Variants in XYLT1 observed in about 807,000 individuals in gnomAD.
The protein encoded by XYLT1 is beta-D-xylosyltransferase 1.
A neutral mutation model predicts 91.3 loss-of-function variants in XYLT1; 36 were observed. The ratio of observed to expected loss-of-function variants is 0.39; its 90% confidence interval spans 0.30 to 0.52. The LOEUF (loss-of-function observed/expected upper bound fraction) is 0.52. Among genes scored for constraint, XYLT1 ranks in the 20% least tolerant of loss-of-function variants. The pLI is 0.68. For synonymous variants in XYLT1, 588 were observed against 532.0 expected, an observed-to-expected ratio of 1.11 and a Z score of -1.45; for missense variants, 1,242 against 1,284.5, an observed-to-expected ratio of 0.97 and a Z score of 0.51.
intron 1 of XYLT1, among the ~76,000 whole-genome samples, chr16:17,425,281 C>T (rs891569403): frequency 2.6e-5 from 4 of 152,224 alleles, no homozygotes; most frequent in Non-Finnish European, 5.9e-5. Flanking sequence ...TAACTCCCCA[C>T]TGACAACTGA....
intron 1 of XYLT1, among the ~76,000 whole-genome samples, chr16:17,428,022 ACT>A (rs2036340640): frequency 1.3e-5 from 2 of 151,896 alleles, no homozygotes; most frequent in Non-Finnish European, 2.9e-5. Flanking sequence ...ACAGCGTCTC[ACT>A]CTGTCGCCCA....
intron 3 of XYLT1, among the ~76,000 whole-genome samples, chr16:17,257,838 G>A (rs901825772): frequency 6.6e-6 from 1 of 152,222 alleles, no homozygotes; most frequent in African/African-American, 2.4e-5. Context: ...ACTGCACAGA[G>A]CCTGGTGCGG....
At chr16:17,213,743 C>T (rs1029019846) in intron 3 of XYLT1, among the ~76,000 whole-genome samples, 2 of 152,000 alleles carry the variant, frequency 1.3e-5, no homozygotes, top group Non-Finnish European at 2.9e-5. Context: ...CTCAGCCTCC[C>T]GAGTACCTGG....
At chr16:17,115,483 C>CT (rs58467134) in intron 11 of XYLT1, among the ~76,000 whole-genome samples, 14 of 137,800 alleles carry the variant, frequency 1.0e-4, no homozygotes, top group African/African-American at 3.2e-4. Context: ...GACCTAAATT[C>CT]TTTTTTTTTT....
chr16:17,213,660 C>CCT (rs2032803603), intron 3 of XYLT1, among the ~76,000 whole-genome samples: 1 of 151,960 alleles, frequency 6.6e-6, no homozygotes, highest in Admixed American at 6.6e-5. Context: ...GCACTGTCGC[C>CCT]CAGGCTGGAG....
In XYLT1 at chr16:17,188,061, C is replaced by T. The variant is rs183738744; in HGVS notation, c.1289+10151G>A. On this transcript the variant is annotated intron_variant, in intron 5 of 11. Transcript: ENST00000261381. ...CCAAACAGAAGGTGGCTGCCTGGCTCTGAGTGACTAAAAGACTTCATGGCT... is the reference window on the plus strand; with the variant it reads ...CCAAACAGAAGGTGGCTGCCTGGCTTTGAGTGACTAAAAGACTTCATGGCT... Among the ~76,000 whole-genome samples, 47 of 152,162 alleles carry T rather than the reference C, an allele frequency of 3.1e-4. 1 individual carries two copies. Among genetic ancestry groups the T allele is most frequent in the African/African-American group, 1.0e-3 (43 of 41,518 alleles).
At chr16:17,432,448 A>G (rs2036403539) in intron 1 of XYLT1, among the ~76,000 whole-genome samples, 1 of 152,226 alleles carries the variant, frequency 6.6e-6, no homozygotes, top group African/African-American at 2.4e-5. Context: ...CAAAAACCAC[A>G]TACTGCATGC....
In XYLT1 at chr16:17,375,938, C is replaced by T. The variant is rs1023347738; in HGVS notation, c.364-17888G>A. 7.2e-5 allele frequency among the ~76,000 whole-genome samples: 11 copies of T among 152,230 alleles called. No homozygotes were observed. In the East Asian group the frequency reaches 1.2e-3, roughly 16 times the overall value. ...GGGAGGTGGCAGTGTTGAAAAGGGA[C>T]GGTCATCACTGCACCACCATTACCA... On this transcript the variant is annotated intron_variant, in intron 1 of 11. Coordinates refer to ENST00000261381, the MANE Select transcript of XYLT1 (RefSeq NM_022166.4).
intron 3 of XYLT1, among the ~76,000 whole-genome samples, chr16:17,210,743 G>A (rs1450596784): frequency 6.6e-6 from 1 of 152,174 alleles, no homozygotes; most frequent in East Asian, 1.9e-4. Context: ...TTACCCAAGA[G>A]AGGATTCACA....
intron 2 of XYLT1, among the ~76,000 whole-genome samples, chr16:17,262,257 T>G (rs568302934): frequency 2.6e-5 from 4 of 152,346 alleles, no homozygotes; most frequent in Admixed American, 1.3e-4. Flanking sequence ...GTACCTCACT[T>G]AACTCCTGGA....
At chr16:17,110,112 A>G (rs1357558458) in intron 11 of XYLT1, among the ~76,000 whole-genome samples, 1 of 152,168 alleles carries the variant, frequency 6.6e-6, no homozygotes, top group African/African-American at 2.4e-5. Flanking sequence ...CAGGTGTGTG[A>G]CTTCTGACCT....
In XYLT1 at chr16:17,107,421, G is replaced by A. The variant is rs1023763398; in HGVS notation, c.*1274C>T. ...ACAGGGATGACACTCCAGGGGGCTC[G>A]TGGCAAGGAAACCTTTTGGGTTTCT... On this transcript the variant is annotated 3_prime_UTR_variant, in exon 12 of 12. Coordinates refer to ENST00000261381, the MANE Select transcript of XYLT1 (RefSeq NM_022166.4). 8 of 152,422 alleles carry A rather than the reference G, an allele frequency of 5.2e-5. No individual in the cohort carries two copies. The highest frequency in any genetic ancestry group is 1.7e-4 in the African/African-American group (7 of 41,452). 9.4% of individuals were successfully genotyped at this position (152,422 alleles called of 1,614,324 possible). A position where few individuals can be genotyped will look rare whatever the true frequency, so the allele number is the denominator to read the frequency against.
intron 3 of XYLT1, among the ~76,000 whole-genome samples, chr16:17,239,168 A>G (rs2141731690): frequency 6.6e-6 from 1 of 152,184 alleles, no homozygotes; most frequent in African/African-American, 2.4e-5. Flanking sequence ...TGCTTACTGG[A>G]CTCTTCACTT....
At chr16:17,273,020 G>T (rs991674091) in intron 2 of XYLT1, among the ~76,000 whole-genome samples, 6 of 152,202 alleles carry the variant, frequency 3.9e-5, no homozygotes, top group Admixed American at 3.9e-4. Context: ...CAGCAGGACA[G>T]GGGAACACTC....
At chr16:17,180,885 G>T (rs1400959340) in intron 5 of XYLT1, among the ~76,000 whole-genome samples, 1 of 152,156 alleles carries the variant, frequency 6.6e-6, no homozygotes, top group Admixed American at 6.5e-5. Context: ...GTTCCATGAT[G>T]ATTTCCTAGG....
Position 17,117,915 on chromosome 16 carries a change from A to G in XYLT1, c.2288T>C (p.Met763Thr). 2 of 1,613,980 alleles carry G rather than the reference A, an allele frequency of 1.2e-6. No individual in the cohort carries two copies. The highest frequency in any genetic ancestry group is 1.1e-5 in the South Asian group (1 of 91,060). The change falls in exon 11 of 12, where the codon ATG becomes ACG. Residue 763 changes from methionine to threonine, a missense_variant. Physicochemically the swap from Met to Thr is moderately conservative, Grantham distance 81 (BLOSUM62 -1). This residue lies in a region of XYLT1 where 511 missense variants were observed against 497.0 expected (regional missense o/e 1.03). Transcript: ENST00000261381. Reference protein sequence around the residue: ...FRNFGGLLGPMDEPVGMQKWG... With the variant: ...FRNFGGLLGPTDEPVGMQKWG... ...CTTCTGCATACCCACCGGCTCATCC[A>G]TGGGCCCCAGAAGACCCCCAAAGTT...
chr16:17,301,456 C>A (rs963310753), intron 2 of XYLT1, among the ~76,000 whole-genome samples: 7 of 152,146 alleles, frequency 4.6e-5, no homozygotes, highest in African/African-American at 1.7e-4. Flanking sequence ...AGCCGTCCCC[C>A]AAAGCTCAAC....
intron 2 of XYLT1, among the ~76,000 whole-genome samples, chr16:17,356,589 G>A (rs923361844): frequency 2.6e-5 from 4 of 152,054 alleles, no homozygotes; most frequent in Non-Finnish European, 5.9e-5. Context: ...CCAAGGAGAG[G>A]GCAAGGACCC....
intron 3 of XYLT1, among the ~76,000 whole-genome samples, chr16:17,210,587 T>A (rs1000199335): frequency 2.6e-5 from 4 of 151,022 alleles, no homozygotes; most frequent in East Asian, 1.9e-4. Flanking sequence ...AAAAAAAAAA[T>A]TATTTGTAGA....
Sources: allele counts gnomAD v4.1 joint callset (sites outside exome capture counted in the v4.1 genomes callset), GRCh38; gene constraint gnomAD v4.1.1; regional missense constraint gnomAD v4.1.1; transcripts MANE v1.5; gene names NCBI Gene and HGNC (gene_info 2026-07-23, HGNC 2026-07-21).